ZMAT4: variants seen among roughly 807,000 people sequenced by gnomAD.
The protein encoded by ZMAT4 is zinc finger matrin-type 4, also known as zinc finger matrin-type protein 4.
A neutral mutation model predicts 28.7 loss-of-function variants in ZMAT4; 17 were observed. That is an observed-to-expected ratio of 0.59 (90% CI 0.41 to 0.89). ZMAT4 has a LOEUF of 0.89. Ranked by LOEUF, ZMAT4 falls within the 40% of genes least tolerant of loss-of-function variation. The probability of loss-of-function intolerance (pLI) is 0.00; values close to 1 mark genes in which losing one functional copy is unlikely to be tolerated. For synonymous variants in ZMAT4, 117 were observed against 109.2 expected, an observed-to-expected ratio of 1.07 and a Z score of -0.44; for missense variants, 240 against 283.8, an observed-to-expected ratio of 0.85 and a Z score of 1.11.
intron 6 of ZMAT4, among the ~76,000 whole-genome samples, chr8:40,548,986 T>C (rs1803286118): frequency 6.6e-6 from 1 of 152,178 alleles, no homozygotes; most frequent in African/African-American, 2.4e-5. Context: ...AGAATTCATA[T>C]GTTGAAACGT....
rs566246119 is a variant in ZMAT4, at chr8:40,692,390, A to C, written c.349+4855T>G. ...TATCCATTTTTACTGTGAATGATAG[A>C]TGTGTTCATAAAAGCTTATAACTGA... On this transcript the variant is annotated intron_variant, in intron 4 of 6. Coordinates refer to ENST00000297737, the MANE Select transcript of ZMAT4 (RefSeq NM_024645.3). 3.9e-5 allele frequency among the ~76,000 whole-genome samples: 6 copies of C among 152,360 alleles called. No individual in the cohort carries two copies. In the South Asian group the frequency reaches 1.2e-3, roughly 32 times the overall value.
At chr8:40,599,584 C>T (rs1805226910) in intron 5 of ZMAT4, among the ~76,000 whole-genome samples, 1 of 152,212 alleles carries the variant, frequency 6.6e-6, no homozygotes, top group African/African-American at 2.4e-5. Context: ...GAACACATTA[C>T]CTGATGAAAT....
At chr8:40,711,731 A>G (rs943600042) in intron 3 of ZMAT4, among the ~76,000 whole-genome samples, 4 of 152,244 alleles carry the variant, frequency 2.6e-5, no homozygotes, top group African/African-American at 7.2e-5. Context: ...AGAGGGGTAC[A>G]TTAGTGATAA....
intron 5 of ZMAT4, among the ~76,000 whole-genome samples, chr8:40,647,432 C>A (rs551853029): frequency 1.3e-5 from 2 of 152,174 alleles, no homozygotes; most frequent in Non-Finnish European, 2.9e-5. Context: ...CCTACACCCA[C>A]GGAGTCTAGC....
At chr8:40,571,679 T>A (rs1650259219) in intron 6 of ZMAT4, among the ~76,000 whole-genome samples, 1 of 152,186 alleles carries the variant, frequency 6.6e-6, no homozygotes, top group African/African-American at 2.4e-5. Context: ...CATTCAGAAT[T>A]ATAAAATGGG....
Position 40,551,976 on chromosome 8 carries a change from G to A in ZMAT4, c.675-19738C>T, listed in dbSNP as rs1803382087. 2.0e-5 allele frequency among the ~76,000 whole-genome samples: 3 copies of A among 152,146 alleles called. No individual in the cohort carries two copies. In the South Asian group the frequency reaches 6.2e-4, roughly 31 times the overall value. The stretch of plus-strand genomic sequence containing the variant: ...GTGAGGATTGAATGAGATCATAAAT[G>A]TGCACGCCTTAAGAACTGTGTCTGA... On this transcript the variant is annotated intron_variant, in intron 6 of 6. Transcript: ENST00000297737.
At chr8:40,882,803 T>C (rs960305475) in intron 1 of ZMAT4, among the ~76,000 whole-genome samples, 1 of 152,054 alleles carries the variant, frequency 6.6e-6, no homozygotes, top group Non-Finnish European at 1.5e-5. Flanking sequence ...ATCTGTGGAG[T>C]TACCTTGGAT....
At chr8:40,553,702 A>C (rs910218489) in intron 6 of ZMAT4, among the ~76,000 whole-genome samples, 1 of 152,194 alleles carries the variant, frequency 6.6e-6, no homozygotes, top group African/African-American at 2.4e-5. Context: ...CTAAGGTTGC[A>C]TAGATAATGA....
chr8:40,830,548 T>C (rs146868621), intron 1 of ZMAT4, among the ~76,000 whole-genome samples: 258 of 152,348 alleles, frequency 1.7e-3, no homozygotes, highest in African/African-American at 5.9e-3. Context: ...CCATGGTATA[T>C]ATGTACCAGA....
chr8:40,640,814 G>C (rs1665938360), intron 5 of ZMAT4, among the ~76,000 whole-genome samples: 1 of 151,722 alleles, frequency 6.6e-6, no homozygotes, highest in African/African-American at 2.4e-5. Context: ...ACAAAAATTA[G>C]CGGGCATGGT....
At chr8:40,541,671 T>C (rs1323776038) in intron 6 of ZMAT4, among the ~76,000 whole-genome samples, 1 of 152,122 alleles carries the variant, frequency 6.6e-6, no homozygotes, top group Non-Finnish European at 1.5e-5. Flanking sequence ...AAATCAGATA[T>C]GTTTTGAAAT....
chr8:40,793,623 C>G (rs1344652100), intron 2 of ZMAT4, among the ~76,000 whole-genome samples: 1 of 152,200 alleles, frequency 6.6e-6, no homozygotes, highest in Non-Finnish European at 1.5e-5. Flanking sequence ...CCGAAAAGTC[C>G]AACGCTTGCG....
chr8:40,734,596 CTG>C (rs1348869919), intron 3 of ZMAT4, among the ~76,000 whole-genome samples: 5 of 152,176 alleles, frequency 3.3e-5, no homozygotes, highest in Non-Finnish European at 7.3e-5. Flanking sequence ...CTGGAAGACT[CTG>C]GTAATCACCC....
chr8:40,546,799 T>C (rs1803216392), intron 6 of ZMAT4, among the ~76,000 whole-genome samples: 1 of 152,130 alleles, frequency 6.6e-6, no homozygotes, highest in Non-Finnish European at 1.5e-5. Context: ...CCAGTTGCTG[T>C]AGAAATGTAG....
At chr8:40,740,950 T>C (rs1811975735) in intron 3 of ZMAT4, among the ~76,000 whole-genome samples, 1 of 151,890 alleles carries the variant, frequency 6.6e-6, no homozygotes, top group Non-Finnish European at 1.5e-5. Flanking sequence ...TTACCTCCTT[T>C]AGCAAAAATT....
chr8:40,755,440 A>T (rs1229419104), intron 3 of ZMAT4, among the ~76,000 whole-genome samples: 1 of 152,108 alleles, frequency 6.6e-6, no homozygotes, highest in East Asian at 1.9e-4. Flanking sequence ...ATTTATGAAT[A>T]TTAATATTTG....
At chr8:40,843,227 A>G (rs771041557) in intron 1 of ZMAT4, among the ~76,000 whole-genome samples, 19 of 152,216 alleles carry the variant, frequency 1.2e-4, no homozygotes, top group Non-Finnish European at 2.4e-4. Context: ...TCTCATTGCT[A>G]GGACCTTGTT....
At chr8:40,686,242 C>A (rs780226128) in intron 4 of ZMAT4, among the ~76,000 whole-genome samples, 2 of 151,912 alleles carry the variant, frequency 1.3e-5, no homozygotes, top group Non-Finnish European at 1.5e-5. Context: ...AGGCGAGGCA[C>A]GATGGCTCAC....
intron 5 of ZMAT4, among the ~76,000 whole-genome samples, chr8:40,584,152 A>C (rs1479613394): frequency 6.6e-6 from 1 of 152,182 alleles, no homozygotes; most frequent in African/African-American, 2.4e-5. Context: ...TCACAAAAGC[A>C]TCCTGAGGAG....
Sources: gnomAD v4.1 joint callset for allele counts (sites outside exome capture counted in the v4.1 genomes callset) on GRCh38, gnomAD v4.1.1 for gene constraint, MANE v1.5 for transcripts, NCBI Gene and HGNC (gene_info 2026-07-23, HGNC 2026-07-21) for gene names.